The following CNTNAP2 variants were observed in gnomAD, a reference collection of about 807,000 sequenced individuals.
The protein encoded by CNTNAP2 is contactin associated protein 2.
CNTNAP2 carries 98 observed loss-of-function variants against 155.2 expected under a neutral mutation model. That is an observed-to-expected ratio of 0.63 (90% CI 0.54 to 0.75). The LOEUF is 0.75. Ranked by LOEUF, CNTNAP2 falls within the 30% of genes least tolerant of loss-of-function variation. The pLI, the probability that CNTNAP2 is intolerant of heterozygous loss-of-function variation, is 0.00. For missense variants in CNTNAP2, 1,727 were observed against 1,688.1 expected, an observed-to-expected ratio of 1.02 and a Z score of -0.40; for synonymous variants, 651 against 631.2, an observed-to-expected ratio of 1.03 and a Z score of -0.47.
intron 15 of CNTNAP2, among the ~76,000 whole-genome samples, chr7:147,989,152 A>C (rs1228564209): frequency 1.3e-5 from 2 of 152,200 alleles, no homozygotes; most frequent in Non-Finnish European, 2.9e-5. Context: ...GCAGATTCTG[A>C]TTCAGGAAGT....
At chr7:146,225,855 G>T (rs537721765) in intron 1 of CNTNAP2, among the ~76,000 whole-genome samples, 1 of 152,286 alleles carries the variant, frequency 6.6e-6, no homozygotes, top group South Asian at 2.1e-4. Context: ...CTTTCTGGAT[G>T]AAACACTGCT....
At chr7:146,610,829 T>G (rs566648992) in intron 1 of CNTNAP2, among the ~76,000 whole-genome samples, 2 of 152,284 alleles carry the variant, frequency 1.3e-5, no homozygotes, top group South Asian at 4.1e-4. Context: ...GTTTTGAAAA[T>G]GTTCCATCCC....
chr7:146,730,147 A>G (rs1304272164), intron 1 of CNTNAP2, among the ~76,000 whole-genome samples: 1 of 152,144 alleles, frequency 6.6e-6, no homozygotes, highest in Non-Finnish European at 1.5e-5. Flanking sequence ...CCTAACCAAA[A>G]ATCAAAAGAA....
At chr7:146,179,519 C>G (rs902419123) in intron 1 of CNTNAP2, among the ~76,000 whole-genome samples, 6 of 151,968 alleles carry the variant, frequency 3.9e-5, no homozygotes, top group African/African-American at 1.5e-4. Context: ...GGCTCATATA[C>G]CCTTATAGGA....
At chr7:146,289,580 G>T (rs1238209132) in intron 1 of CNTNAP2, among the ~76,000 whole-genome samples, 1 of 152,064 alleles carries the variant, frequency 6.6e-6, no homozygotes, top group Non-Finnish European at 1.5e-5. Flanking sequence ...AAATCAACAG[G>T]TACAAGTCAA....
At chr7:147,772,531 C>T (rs1797492004) in intron 13 of CNTNAP2, among the ~76,000 whole-genome samples, 1 of 125,472 alleles carries the variant, frequency 8.0e-6, no homozygotes, top group Admixed American at 8.6e-5. Context: ...TTTCCTTTTG[C>T]CTTGTTTCTC....
At chr7:147,356,774 T>C (rs1796069789) in intron 9 of CNTNAP2, among the ~76,000 whole-genome samples, 1 of 152,132 alleles carries the variant, frequency 6.6e-6, no homozygotes, top group Non-Finnish European at 1.5e-5. Flanking sequence ...GAAAATATAA[T>C]GTCATAATTC....
At chr7:148,042,221 T>C (rs1802691487) in intron 15 of CNTNAP2, among the ~76,000 whole-genome samples, 1 of 152,258 alleles carries the variant, frequency 6.6e-6, no homozygotes, top group African/African-American at 2.4e-5. Context: ...TCAAGTTCAG[T>C]AGCATTAAGT....
chr7:146,188,418 AG>A (rs1367007901), intron 1 of CNTNAP2, among the ~76,000 whole-genome samples: 1 of 152,206 alleles, frequency 6.6e-6, no homozygotes, highest in East Asian at 1.9e-4. Flanking sequence ...TGCAGATAAA[AG>A]GCAGTTGCAC....
At chr7:148,394,700 A>C (rs1799428209) in intron 22 of CNTNAP2, among the ~76,000 whole-genome samples, 1 of 152,226 alleles carries the variant, frequency 6.6e-6, no homozygotes, top group Non-Finnish European at 1.5e-5. Flanking sequence ...CACCTGGGGG[A>C]AATTAGCAAA....
At chr7:146,483,282 A>AAAAAAAAAATAT (rs1178407767) in intron 1 of CNTNAP2, among the ~76,000 whole-genome samples, 1 of 39,870 alleles carries the variant, frequency 2.5e-5, no homozygotes, top group Non-Finnish European at 5.0e-5. Context: ...TCTAAAAAAA[A>AAAAAAAAAATAT]ATATATATAT....
chr7:146,643,806 T>A (rs973020455), intron 1 of CNTNAP2, among the ~76,000 whole-genome samples: 1 of 152,062 alleles, frequency 6.6e-6, no homozygotes, highest in African/African-American at 2.4e-5. Context: ...TGGAATGTTC[T>A]TCCATTTGTT....
At chr7:148,045,716 A>G (rs1802763258) in intron 15 of CNTNAP2, among the ~76,000 whole-genome samples, 1 of 152,198 alleles carries the variant, frequency 6.6e-6, no homozygotes, top group Admixed American at 6.5e-5. Context: ...AGAAACCATA[A>G]TAGACACTAC....
At chr7:146,229,439 C>G (rs1326105973) in intron 1 of CNTNAP2, among the ~76,000 whole-genome samples, 2 of 152,192 alleles carry the variant, frequency 1.3e-5, no homozygotes, top group Non-Finnish European at 2.9e-5. Context: ...TTTGTAATCT[C>G]TCTGCTCCAG....
intron 3 of CNTNAP2, among the ~76,000 whole-genome samples, chr7:146,884,483 A>G (rs1309129968): frequency 1.3e-5 from 2 of 152,146 alleles, no homozygotes; most frequent in East Asian, 1.9e-4. Context: ...TCCCAGTGCC[A>G]TCTTAAGAAC....
At chr7:147,400,278 G>T (rs1796891039) in intron 10 of CNTNAP2, among the ~76,000 whole-genome samples, 1 of 152,118 alleles carries the variant, frequency 6.6e-6, no homozygotes, top group East Asian at 1.9e-4. Flanking sequence ...GACATTGAGG[G>T]AGAGTCAGGG....
intron 21 of CNTNAP2, among the ~76,000 whole-genome samples, chr7:148,309,625 G>A (rs1797556456): frequency 6.6e-6 from 1 of 151,982 alleles, no homozygotes; most frequent in Non-Finnish European, 1.5e-5. Context: ...GTCACAGGGT[G>A]CTCAGTAGGG....
At chr7:146,398,184 C>CTTTTTTTTTTTTTTTT (rs34144986) in intron 1 of CNTNAP2, among the ~76,000 whole-genome samples, 1 of 107,052 alleles carries the variant, frequency 9.3e-6, no homozygotes, top group African/African-American at 4.1e-5. Flanking sequence ...CGGCCCCAAA[C>CTTTTTTTTTTTTTTTT]TTTTTTTTTT....
intron 13 of CNTNAP2, among the ~76,000 whole-genome samples, chr7:147,755,104 G>A (rs1394675420): frequency 6.6e-6 from 1 of 152,130 alleles, no homozygotes; most frequent in East Asian, 1.9e-4. Context: ...AAAATGAGAA[G>A]TAGCAGGGAG....
Sources: gnomAD v4.1 joint callset for allele counts (sites outside exome capture counted in the v4.1 genomes callset) on GRCh38, gnomAD v4.1.1 for gene constraint, MANE v1.5 for transcripts, NCBI Gene and HGNC (gene_info 2026-07-23, HGNC 2026-07-21) for gene names.